Variants in BCS1L observed in about 807,000 individuals in gnomAD.
BCS1L encodes the protein BCS1 ubiquinol-cytochrome c reductase complex chaperone.
A neutral mutation model predicts 49.3 loss-of-function variants in BCS1L; 38 were observed. The ratio of observed to expected loss-of-function variants is 0.77; its 90% confidence interval spans 0.59 to 1.01. The LOEUF (loss-of-function observed/expected upper bound fraction) is 1.01, where lower values mean the gene tolerates loss of function less well. Among genes scored for constraint, BCS1L ranks in the 50% least tolerant of loss-of-function variants. The pLI is 0.00. For missense variants in BCS1L, 394 were observed against 540.2 expected, an observed-to-expected ratio of 0.73 and a Z score of 2.68; for synonymous variants, 193 against 210.1, an observed-to-expected ratio of 0.92 and a Z score of 0.70.
In BCS1L at chr2:218,660,961, T is replaced by C. The variant is rs1383163459; in HGVS notation, c.-27T>C. 6.2e-7 allele frequency: 1 copy of C among 1,612,332 alleles called. No homozygotes were observed. The highest frequency in any genetic ancestry group is 8.5e-7 in the Non-Finnish European group (1 of 1,179,574). On this transcript the variant is annotated 5_prime_UTR_variant, in exon 2 of 8. Transcript: ENST00000359273. ...TAGGTTTTCGTAACACCCCAGGGCC[T>C]GTAAGGTTTGGTGTTTCCCTTTCAA...
At chr2:218,660,856 G>A in intron 1 of BCS1L, 83 bp from the exon 2 acceptor site, 1 of 963,980 alleles carries the variant, frequency 1.0e-6, no homozygotes, top group South Asian at 1.4e-5. Context: ...GACCCACACA[G>A]TAATGCTGAC....
In BCS1L at chr2:218,661,752, T is replaced by A. The variant is rs769144065; in HGVS notation, c.461-7T>A. On this transcript the variant is annotated splice_region_variant and splice_polypyrimidine_tract_variant and intron_variant, in intron 3 of 7. Transcript: ENST00000359273. The surrounding 1 kb of genome is among the most constrained non-coding windows in gnomAD (Gnocchi z 5.9). ...TTATTGGCTTTATCTCATCTTCTCC[T>A]TCCCAGCTCGAGAGCTAGCCTTGCA... 6.2e-7 allele frequency: 1 copy of A among 1,608,658 alleles called. No homozygotes were observed. The highest frequency in any genetic ancestry group is 8.5e-7 in the Non-Finnish European group (1 of 1,175,814).
chr2:218,661,922 CAT>C lies in BCS1L; in HGVS notation c.625_626del (p.Ile209ArgfsTer2), dbSNP rs863223915. 1.9e-6 allele frequency: 3 copies of C among 1,614,070 alleles called. No homozygotes were observed. Among genetic ancestry groups the C allele is most frequent in the Non-Finnish European group, 2.5e-6 (3 of 1,179,986 alleles). On this transcript the variant is annotated frameshift_variant, in exon 4 of 8. Coordinates refer to ENST00000359273, the MANE Select transcript of BCS1L (RefSeq NM_001079866.2). LOFTEE classifies it high-confidence loss of function. This position sits in a 1 kb window ranked among gnomAD's most constrained non-coding sequence, Gnocchi z 5.9. ...GAATTGTCAGAGACGTCCAGGAATTCATCGATAACCCCAAGTGGTACACTGAC... is the reference window on the plus strand; with the variant it reads ...GAATTGTCAGAGACGTCCAGGAATTCCGATAACCCCAAGTGGTACACTGAC... ...DRIVRDVQEF[I>X]DNPKWYTDRG...
upstream of BCS1L, chr2:218,659,494 C>T (rs555711517): frequency 6.6e-6 from 1 of 152,192 alleles, no homozygotes; most frequent in East Asian, 1.9e-4. The surrounding 1 kb of genome is among the most constrained non-coding windows in gnomAD (Gnocchi z 4.4). Flanking sequence ...ATGTGGAAGC[C>T]ACTCTCTCTT....
At position 218,661,962 on chromosome 2, in the gene BCS1L, C is replaced by G. The variant is rs2106326637; in HGVS notation, c.655+9C>G. The G allele has an allele frequency of 1.2e-6, 2 of 1,613,588 alleles. No individual in the cohort carries two copies. The highest frequency in any genetic ancestry group is 1.7e-6 in the Non-Finnish European group (2 of 1,179,744). On this transcript the variant is annotated intron_variant, in intron 4 of 7. Coordinates refer to ENST00000359273, the MANE Select transcript of BCS1L (RefSeq NM_001079866.2). This position sits in a 1 kb window ranked among gnomAD's most constrained non-coding sequence, Gnocchi z 5.9. ...GTGGTACACTGACAGAGGTGAGAAGCAGCTGGGGTCTTGGCTGTGCTGTTT... is the reference window on the plus strand; with the variant it reads ...GTGGTACACTGACAGAGGTGAGAAGGAGCTGGGGTCTTGGCTGTGCTGTTT...
In BCS1L at chr2:218,661,600, G is replaced by T. The variant is rs1939452136; in HGVS notation, c.460+55G>T. The T allele has an allele frequency of 1.2e-5, 20 of 1,607,962 alleles. No individual in the cohort carries two copies. In the South Asian group the frequency reaches 2.2e-4, roughly 18 times the overall value. Reference sequence around the variant, plus strand: ...GGACATTGCAGGGATGGGGACATTTGACATCAGATGAGCAGTTTGGAGAAG... The same window carrying T: ...GGACATTGCAGGGATGGGGACATTTTACATCAGATGAGCAGTTTGGAGAAG... On this transcript the variant is annotated intron_variant, in intron 3 of 7. Coordinates refer to ENST00000359273, the MANE Select transcript of BCS1L (RefSeq NM_001079866.2). This position sits in a 1 kb window ranked among gnomAD's most constrained non-coding sequence, Gnocchi z 5.9.
Position 218,662,391 on chromosome 2 carries a change from GGGTGT to G in BCS1L, c.720-117_720-113del, listed in dbSNP as rs1205909139. 1 of 1,490,772 alleles carries G rather than the reference GGGTGT, an allele frequency of 6.7e-7. No individual in the cohort carries two copies. The highest frequency in any genetic ancestry group is 1.4e-5 in the African/African-American group (1 of 72,204). The allele number at this position is 1,490,772 out of a possible 1,614,324, so 92.3% of individuals were successfully genotyped here. On this transcript the variant is annotated intron_variant, in intron 5 of 7. Transcript: ENST00000359273. This position sits in a 1 kb window ranked among gnomAD's most constrained non-coding sequence, Gnocchi z 5.8. Reference sequence around the variant, plus strand: ...TAAACATGAAACGTGTGGAACATCAGGGTGTGAGGTAGAAGTCAGGCCTCTGAGAC... The same window carrying G: ...TAAACATGAAACGTGTGGAACATCAGGAGGTAGAAGTCAGGCCTCTGAGAC...
rs1343783989 is a variant in BCS1L at position 218,662,319 on chromosome 2, C to A, written c.719+59C>A. On this transcript the variant is annotated intron_variant, in intron 5 of 7. Transcript: ENST00000359273. This position sits in a 1 kb window ranked among gnomAD's most constrained non-coding sequence, Gnocchi z 5.8. ...ACGAAGCCTTTGTGGAAACACTAGG[C>A]TGATAGGGTTGGAAGGGGAAATGAA... is the stretch of plus-strand genomic sequence containing the variant. 1.9e-6 allele frequency: 3 copies of A among 1,551,734 alleles called. No homozygotes were observed. The highest frequency in any genetic ancestry group is 2.2e-5 in the East Asian group (1 of 44,614).
Position 218,662,700 on chromosome 2 carries a change from G to T in BCS1L, c.889+21G>T. 6.2e-7 allele frequency: 1 copy of T among 1,614,054 alleles called. No homozygotes were observed. Among genetic ancestry groups the T allele is most frequent in the Non-Finnish European group, 8.5e-7 (1 of 1,180,046 alleles). ...GGAGAGTAAGTGAGGGGTTCTGGAG[G>T]AAGTGGAGTGGGTAACTGTGGAACA... On this transcript the variant is annotated intron_variant, in intron 6 of 7. Coordinates refer to ENST00000359273, the MANE Select transcript of BCS1L (RefSeq NM_001079866.2). This position sits in a 1 kb window ranked among gnomAD's most constrained non-coding sequence, Gnocchi z 5.8.
Position 218,662,403 on chromosome 2 carries a change from G to C in BCS1L, c.720-107G>C. The C allele has an allele frequency of 6.6e-7, 1 of 1,520,410 alleles. No individual in the cohort carries two copies. Among genetic ancestry groups the C allele is most frequent in the South Asian group, 1.1e-5 (1 of 88,856 alleles). 94.2% of individuals were successfully genotyped at this position (1,520,410 alleles called of 1,614,324 possible). ...GTGTGGAACATCAGGGTGTGAGGTA[G>C]AAGTCAGGCCTCTGAGACACATGTC... On this transcript the variant is annotated intron_variant, in intron 5 of 7. Transcript: ENST00000359273. The surrounding 1 kb of genome is among the most constrained non-coding windows in gnomAD (Gnocchi z 5.8).
chr2:218,662,526 G>C lies in BCS1L; in HGVS notation c.736G>C (p.Glu246Gln). 6.2e-7 allele frequency: 1 copy of C among 1,613,944 alleles called. No individual in the cohort carries two copies. Among genetic ancestry groups the C allele is most frequent in the Non-Finnish European group, 8.5e-7 (1 of 1,180,052 alleles). The change falls in exon 6 of 8, where the codon GAA becomes CAA. Residue 246 changes from glutamate to glutamine, a missense_variant. Coordinates refer to ENST00000359273, the MANE Select transcript of BCS1L (RefSeq NM_001079866.2). The surrounding 1 kb of genome is among the most constrained non-coding windows in gnomAD (Gnocchi z 5.8). ...KSSFITALAG[E>Q]LEHSICLLSL... ...GCTCCATAGCACAGCCCTGGCTGGGGAACTGGAGCACAGCATCTGCCTGCT... is the reference window on the plus strand; with the variant it reads ...GCTCCATAGCACAGCCCTGGCTGGGCAACTGGAGCACAGCATCTGCCTGCT...
chr2:218,660,407 T>TAG, intron 1 of BCS1L: 1 of 153,658 alleles, frequency 6.5e-6, no homozygotes, highest in Non-Finnish European at 1.4e-5. Context: ...GTGTAGATGT[T>TAG]CCGTGAAGCA....
upstream of BCS1L, chr2:218,658,806 G>A (rs1250233910): frequency 1.3e-5 from 2 of 152,248 alleles, no homozygotes; most frequent in Admixed American, 1.3e-4. Flanking sequence ...CTTCACCTGC[G>A]GGAGGGCAGG....
Position 218,662,084 on chromosome 2 carries a change from GTA to G in BCS1L, c.656-111_656-110del. The G allele has an allele frequency of 6.7e-7, 1 of 1,485,526 alleles. No individual in the cohort carries two copies. Among genetic ancestry groups the G allele is most frequent in the East Asian group, 2.3e-5 (1 of 44,220 alleles). The allele number at this position is 1,485,526 out of a possible 1,614,324, so 92.0% of individuals were successfully genotyped here. A position where few individuals can be genotyped will look rare whatever the true frequency, so the allele number is the denominator to read the frequency against. ...GAGATTAAGAGGAATGAAAAGTTGT[GTA>G]TGAGAATGATTTATTTCCGTACCAA... On this transcript the variant is annotated intron_variant, in intron 4 of 7. Transcript: ENST00000359273. The surrounding 1 kb of genome is among the most constrained non-coding windows in gnomAD (Gnocchi z 5.8).
rs549739605 is a variant in BCS1L at position 218,661,861 on chromosome 2, T to C, written c.563T>C (p.Leu188Pro). The C allele has an allele frequency of 6.2e-7, 1 of 1,614,206 alleles. No individual in the cohort carries two copies. The highest frequency in any genetic ancestry group is 1.1e-5 in the South Asian group (1 of 91,082). Residue 188 changes from leucine (L) to proline (P), a missense_variant, in exon 4 of 8, where the codon CTG becomes CCG. Leu to Pro is a moderately conservative substitution (Grantham distance 98, BLOSUM62 -3). Transcript: ENST00000359273. This position sits in a 1 kb window ranked among gnomAD's most constrained non-coding sequence, Gnocchi z 5.9. ...GGCTATCCACGCCGCCGGCGACCACTGAATTCTGTGGTTCTACAACAGGGT... is the reference window on the plus strand; with the variant it reads ...GGCTATCCACGCCGCCGGCGACCACCGAATTCTGTGGTTCTACAACAGGGT... ...PFGYPRRRRP[L>P]NSVVLQQGLA...
chr2:218,663,285 G>A lies in BCS1L; in HGVS notation c.1159G>A (p.Ala387Thr), dbSNP rs771462961. 15 of 1,614,206 alleles carry A rather than the reference G, an allele frequency of 9.3e-6. No homozygotes were observed. The highest frequency in any genetic ancestry group is 1.3e-5 in the Non-Finnish European group (15 of 1,180,030). Residue 387 changes from alanine to threonine, a missense_variant, in exon 8 of 8, where the codon GCT becomes ACT. By Grantham distance (58) the Ala-to-Thr change is moderately conservative (BLOSUM62 0). Coordinates refer to ENST00000359273, the MANE Select transcript of BCS1L (RefSeq NM_001079866.2). ...AENFAEHVLRATNQISPAQVQ... is the reference protein window; with the variant it reads ...AENFAEHVLRTTNQISPAQVQ... ...GAACTTTGCAGAACATGTCCTTCGA[G>A]CTACAAACCAGATCAGTCCTGCCCA... is the stretch of plus-strand genomic sequence containing the variant.
rs763578384 is a variant in BCS1L at position 218,662,321 on chromosome 2, G to T, written c.719+61G>T. The stretch of plus-strand genomic sequence containing the variant: ...GAAGCCTTTGTGGAAACACTAGGCT[G>T]ATAGGGTTGGAAGGGGAAATGAATC... On this transcript the variant is annotated intron_variant, in intron 5 of 7. Coordinates refer to ENST00000359273, the MANE Select transcript of BCS1L (RefSeq NM_001079866.2). The surrounding 1 kb of genome is among the most constrained non-coding windows in gnomAD (Gnocchi z 5.8). 23 of 1,544,166 alleles carry T rather than the reference G, an allele frequency of 1.5e-5. No homozygotes were observed. The East Asian group carries it at 2.9e-4, about 20-fold the overall frequency.
chr2:218,660,984 C>T lies in BCS1L; in HGVS notation c.-4C>T. On this transcript the variant is annotated 5_prime_UTR_variant, in exon 2 of 8. Transcript: ENST00000359273. ...CCTGTAAGGTTTGGTGTTTCCCTTT[C>T]AAGATGCCACTTTCAGACTTTATTC... 1 of 1,613,504 alleles carries T rather than the reference C, an allele frequency of 6.2e-7. No individual in the cohort carries two copies. The highest frequency in any genetic ancestry group is 8.5e-7 in the Non-Finnish European group (1 of 1,180,026).
Position 218,660,607 on chromosome 2 carries a change from G to A in BCS1L, c.-49-332G>A, listed in dbSNP as rs560213085. ...AACGGACGCTTCTCCCTTGCTGACT[G>A]CAGCCAATGGACCCCTTTTTATCAT... On this transcript the variant is annotated intron_variant, in intron 1 of 7. Transcript: ENST00000359273. The A allele has an allele frequency of 3.9e-4, 94 of 242,456 alleles. No individual in the cohort carries two copies. The South Asian group carries it at 5.6e-3, about 14-fold the overall frequency. 15.0% of individuals were successfully genotyped at this position (242,456 alleles called of 1,614,324 possible).
Sources: allele counts gnomAD v4.1 joint callset, GRCh38; gene constraint gnomAD v4.1.1; non-coding constraint Gnocchi (gnomAD v3.1); transcripts MANE v1.5; gene names NCBI Gene and HGNC (gene_info 2026-07-23, HGNC 2026-07-21).